The following ADAMTS1 variants were observed in gnomAD, a reference collection of about 807,000 sequenced individuals.
ADAMTS1 encodes A disintegrin and metalloproteinase with thrombospondin motifs 1.
A neutral mutation model predicts 87.9 loss-of-function variants in ADAMTS1; 19 were observed. The ratio of observed to expected loss-of-function variants is 0.22; its 90% CI spans 0.15 to 0.32. The LOEUF is 0.32. Ranked by LOEUF, ADAMTS1 falls within the 10% of genes least tolerant of loss-of-function variation. ADAMTS1 has a pLI of 1.00. For synonymous variants in ADAMTS1, 542 were observed against 501.8 expected, an observed-to-expected ratio of 1.08 and a Z score of -1.07; for missense variants, 1,240 against 1,259.1, an observed-to-expected ratio of 0.98 and a Z score of 0.23.
rs549128080 is a variant in ADAMTS1 at position 26,837,027 on chromosome 21, G to A, written c.*552C>T. The A allele has an allele frequency of 6.5e-6, 1 of 152,936 alleles. No homozygotes were observed. The highest frequency in any genetic ancestry group is 2.1e-4 in the South Asian group (1 of 4,860). The allele number at this position is 152,936 out of a possible 1,614,324, so 9.5% of individuals were successfully genotyped here. A position where few individuals can be genotyped will look rare whatever the true frequency, so the allele number is the denominator to read the frequency against. On this transcript the variant is annotated 3_prime_UTR_variant, in exon 9 of 9. Transcript: ENST00000284984. ...GCCTTTCTCTCATGTTGAACAATCT[G>A]AAGTTTTAATTCTCGGTAGAAATAA...
At chr21:26,843,140 T>C (rs916883029) in intron 1 of ADAMTS1, 2 of 264,524 alleles carry the variant, frequency 7.6e-6, no homozygotes, top group Non-Finnish European at 1.5e-5. Flanking sequence ...GGCCGGGCCT[T>C]AAGGAATCTC....
chr21:26,841,478 C>CA (rs753851282), intron 3 of ADAMTS1: 42 of 254,022 alleles, frequency 1.7e-4, no homozygotes, highest in East Asian at 9.8e-4. Context: ...GACTCCATCT[C>CA]AAAAAAAATA....
chr21:26,844,971 A>G lies in ADAMTS1; in HGVS notation c.-17T>C. ...TCGCTGCATTGGAGCCCCAGGAGAC[A>G]CCGCTCGTAGCAGCGCACGGAGCGA... On this transcript the variant is annotated 5_prime_UTR_variant, in exon 1 of 9. Transcript: ENST00000284984. 1 of 1,495,972 alleles carries G rather than the reference A, an allele frequency of 6.7e-7. No individual in the cohort carries two copies. Among genetic ancestry groups the G allele is most frequent in the Non-Finnish European group, 8.9e-7 (1 of 1,126,060 alleles). The allele number at this position is 1,495,972 out of a possible 1,614,324, so 92.7% of individuals were successfully genotyped here. A position where few individuals can be genotyped will look rare whatever the true frequency, so the allele number is the denominator to read the frequency against.
Position 26,837,821 on chromosome 21 carries a change from G to T in ADAMTS1, c.2662C>A (p.Pro888Thr). Reference protein sequence around the residue: ...LVECRDINGQPASECAKEVKP... With the variant: ...LVECRDINGQTASECAKEVKP... ...ACTTCCTTTGCACACTCGGAAGCAG[G>T]CTGTCCATTAATGTCTCGGCATTCT... Residue 888 changes from proline to threonine, a missense_variant, in exon 9 of 9, where the codon CCT becomes ACT. This residue lies in a region of ADAMTS1 where 402 missense variants were observed against 399.1 expected (regional missense o/e 1.01). Transcript: ENST00000284984. 1 of 1,614,140 alleles carries T rather than the reference G, an allele frequency of 6.2e-7. No individual in the cohort carries two copies. The highest frequency in any genetic ancestry group is 8.5e-7 in the Non-Finnish European group (1 of 1,180,034).
intron 7 of ADAMTS1, chr21:26,838,898 T>C (rs1269352698): frequency 3.2e-6 from 1 of 308,248 alleles, no homozygotes; most frequent in African/African-American, 2.1e-5. Flanking sequence ...CTTTGTTTAC[T>C]GCTGTATCTT....
intron 1 of ADAMTS1, chr21:26,843,103 C>G (rs963352454): frequency 1.5e-5 from 4 of 264,348 alleles, no homozygotes; most frequent in African/African-American, 4.6e-5. Flanking sequence ...TGGAAGGCCT[C>G]GGGTAGGGCC....
intron 8 of ADAMTS1, 56 bp from the exon 9 acceptor site, chr21:26,838,334 T>C: frequency 6.4e-7 from 1 of 1,573,248 alleles, no homozygotes; most frequent in South Asian, 1.2e-5. Flanking sequence ...TTAGATTATT[T>C]AGCTTAAAAA....
Position 26,837,937 on chromosome 21 carries a change from A to G in ADAMTS1, c.2546T>C (p.Phe849Ser), listed in dbSNP as rs753493813. 1 of 1,614,218 alleles carries G rather than the reference A, an allele frequency of 6.2e-7. No individual in the cohort carries two copies. Among genetic ancestry groups the G allele is most frequent in the South Asian group, 1.1e-5 (1 of 91,082 alleles). ...TGCTGAAAAAGTGGGGATAGCATTG[A>G]AAGATTCCTTCTTCTTCTTTACGAA... ...TYFVKKKKES[F>S]NAIPTFSAWV... Residue 849 changes from phenylalanine (F) to serine (S), a missense_variant, in exon 9 of 9, where the codon TTC (phenylalanine) becomes TCC (serine). Transcript: ENST00000284984.
chr21:26,840,877 A>G, intron 4 of ADAMTS1, 121 bp downstream of exon 4: 1 of 1,249,290 alleles, frequency 8.0e-7, no homozygotes, highest in Non-Finnish European at 1.1e-6. Context: ...GGATCTTGAC[A>G]GAGGAAAAGT....
Position 26,844,789 on chromosome 21 carries a change from C to G in ADAMTS1, c.166G>C (p.Glu56Gln). The G allele has an allele frequency of 1.3e-6, 2 of 1,546,946 alleles. No homozygotes were observed. Among genetic ancestry groups the G allele is most frequent in the South Asian group, 1.2e-5 (1 of 84,884 alleles). The change falls in exon 1 of 9, where the codon GAG (glutamate) becomes CAG (glutamine). Residue 56 changes from glutamate to glutamine, a missense_variant. This residue lies in a region of ADAMTS1 where 521 missense variants were observed against 449.7 expected (regional missense o/e 1.16). Coordinates refer to ENST00000284984, the MANE Select transcript of ADAMTS1 (RefSeq NM_006988.5). ...VSDALGRPSE[E>Q]DEELVVPELE... ...TCCGGCACCACTAGCTCCTCGTCCT[C>G]CTCGGAGGGGCGCCCGAGTGCGTCC...
rs1489441849 is a variant in ADAMTS1, at chr21:26,837,567, C to G, written c.*12G>C. ...TTTGCCTTGCCCTCAAAGCTAACAC[C>G]ACTTAAACCACTTAACTGCATTCTG... On this transcript the variant is annotated 3_prime_UTR_variant, in exon 9 of 9. Transcript: ENST00000284984. 1 of 1,611,744 alleles carries G rather than the reference C, an allele frequency of 6.2e-7. No homozygotes were observed. Among genetic ancestry groups the G allele is most frequent in the Non-Finnish European group, 8.5e-7 (1 of 1,178,588 alleles).
At chr21:26,840,647 A>T in intron 4 of ADAMTS1, 85 bp from the exon 5 acceptor site, 2 of 1,445,484 alleles carry the variant, frequency 1.4e-6, no homozygotes, top group Non-Finnish European at 9.4e-7. Context: ...TATTTATCAT[A>T]TGAGAAAATA....
At chr21:26,842,728 A>T (rs1467507848) in intron 1 of ADAMTS1, 43 bp from the exon 2 acceptor site, 1 of 1,543,842 alleles carries the variant, frequency 6.5e-7, no homozygotes, top group East Asian at 2.2e-5. Context: ...AGGCTGTCCA[A>T]GAATAGTTAC....
In ADAMTS1 at chr21:26,839,571, G is replaced by A. The variant is rs757072688; in HGVS notation, c.2028+16C>T. 3 of 1,524,770 alleles carry A rather than the reference G, an allele frequency of 2.0e-6. No homozygotes were observed. Among genetic ancestry groups the A allele is most frequent in the East Asian group, 2.3e-5 (1 of 43,066 alleles). 94.5% of individuals were successfully genotyped at this position (1,524,770 alleles called of 1,614,324 possible). On this transcript the variant is annotated intron_variant, in intron 7 of 8. Transcript: ENST00000284984. ...GGCCTTGATTTTTAGGTAAAAATAA[G>A]GTAAAAACGAACTACCTTGGGCTGC... is the stretch of plus-strand genomic sequence containing the variant.
At chr21:26,843,663 C>CTTATA (rs1985544074) in intron 1 of ADAMTS1, 2 of 468,770 alleles carry the variant, frequency 4.3e-6, no homozygotes, top group South Asian at 3.2e-5. Context: ...CGCCTTCAGC[C>CTTATA]CGCCTGGGTC....
Position 26,844,332 on chromosome 21 carries a change from G to A in ADAMTS1, c.623C>T (p.Thr208Ile), listed in dbSNP as rs1034765691. 1 of 1,607,272 alleles carries A rather than the reference G, an allele frequency of 6.2e-7. No individual in the cohort carries two copies. The highest frequency in any genetic ancestry group is 1.3e-5 in the African/African-American group (1 of 74,910). ...CTCGTCTTCGGTCTCCGCTTTCCCA[G>A]TCGGCCGGGGCTCGTCGTCCACGAC... The part of the protein sequence containing the change: ...CGVVDDEPRP[T>I]GKAETEDEDE... Residue 208 changes from threonine (T) to isoleucine (I), a missense_variant, in exon 1 of 9, where the codon ACT becomes ATT. Thr to Ile is a moderately conservative substitution (Grantham distance 89). Around this residue, in one of 3 missense-constraint regions of ADAMTS1, gnomAD observed 521 missense variants for 449.7 expected, o/e 1.16. Coordinates refer to ENST00000284984, the MANE Select transcript of ADAMTS1 (RefSeq NM_006988.5).
Position 26,844,661 on chromosome 21 carries a change from G to T in ADAMTS1, c.294C>A (p.Pro98=), listed in dbSNP as rs752102354. The T allele has an allele frequency of 9.4e-6, 15 of 1,600,124 alleles. No homozygotes were observed. The highest frequency in any genetic ancestry group is 1.3e-5 in the Non-Finnish European group (15 of 1,173,938). The change falls in exon 1 of 9, where the codon CCC becomes CCA. Residue 98 remains proline (P), a synonymous_variant. Transcript: ENST00000284984. The part of the protein sequence containing the change: ...ELRPDSSFLA[P]GFTLQNVGRK... ...GCCCCACGTTCTGGAGCGTGAAGCC[G>T]GGCGCCAAAAAGCTGCTGTCGGGCC...
At chr21:26,844,197 G>C (rs1018475373) in intron 1 of ADAMTS1, 28 bp downstream of exon 1, 17 of 1,521,066 alleles carry the variant, frequency 1.1e-5, no homozygotes, top group Non-Finnish European at 1.5e-5. Flanking sequence ...AGGATGAATG[G>C]ACAGACAAAC....
At chr21:26,838,342 A>C in intron 8 of ADAMTS1, 64 bp from the exon 9 acceptor site, 1 of 1,573,178 alleles carries the variant, frequency 6.4e-7, no homozygotes, top group Non-Finnish European at 8.6e-7. Context: ...TTTAGCTTAA[A>C]AACACATTAA....
Sources: gnomAD v4.1 joint callset for allele counts on GRCh38, gnomAD v4.1.1 for gene constraint, gnomAD v4.1.1 regional missense constraint, MANE v1.5 for transcripts, NCBI Gene and HGNC (gene_info 2026-07-23, HGNC 2026-07-21) for gene names.